LDHC: variants seen among roughly 807,000 people sequenced by gnomAD.
LDHC encodes the protein L-lactate dehydrogenase C chain.
A neutral mutation model predicts 30.2 loss-of-function variants in LDHC; 20 were observed. The observed-to-expected ratio is 0.66, with a 90% confidence interval of 0.47 to 0.96. The LOEUF (loss-of-function observed/expected upper bound fraction) is 0.96, where lower values mean the gene tolerates loss of function less well. Ranked by LOEUF, LDHC falls within the 40% of genes least tolerant of loss-of-function variation. LDHC has a pLI of 0.00. For synonymous variants in LDHC, 139 were observed against 132.7 expected, an observed-to-expected ratio of 1.05 and a Z score of -0.32; for missense variants, 362 against 394.9, an observed-to-expected ratio of 0.92 and a Z score of 0.71.
At chr11:18,432,659 T>C (rs1307767259) in intron 4 of LDHC, among the ~76,000 whole-genome samples, 1 of 152,204 alleles carries the variant, frequency 6.6e-6, no homozygotes, top group Non-Finnish European at 1.5e-5. Flanking sequence ...TAGGTGCATA[T>C]ATGTTTAGGA....
intron 3 of LDHC, among the ~76,000 whole-genome samples, chr11:18,426,020 T>C (rs1848156313): frequency 7.9e-6 from 1 of 126,438 alleles, no homozygotes; most frequent in African/African-American, 2.7e-5. Flanking sequence ...ACATCGTTGA[T>C]TAGCCACAAT....
intron 3 of LDHC, 109 bp from the exon 4 acceptor site, chr11:18,429,628 C>T (rs989211058): frequency 7.6e-6 from 4 of 527,694 alleles, no homozygotes; most frequent in Admixed American, 3.6e-5. Flanking sequence ...CATAAAGGTA[C>T]ATGGATACTT....
chr11:18,441,099 T>G (rs560485371), intron 6 of LDHC, among the ~76,000 whole-genome samples: 3 of 151,290 alleles, frequency 2.0e-5, no homozygotes, highest in Admixed American at 2.0e-4. Flanking sequence ...CATTCCAACC[T>G]GGGCAACAGA....
At chr11:18,441,455 C>T (rs1419806063) in intron 6 of LDHC, among the ~76,000 whole-genome samples, 3 of 151,818 alleles carry the variant, frequency 2.0e-5, no homozygotes, top group Non-Finnish European at 2.9e-5. Flanking sequence ...ACTACAAGCA[C>T]GCGCCACCAT....
chr11:18,414,923 T>A (rs540628689), intron 2 of LDHC, among the ~76,000 whole-genome samples: 9 of 148,850 alleles, frequency 6.0e-5, no homozygotes, highest in Admixed American at 2.0e-4. Context: ...GTTATCTGAA[T>A]GGCAAAAAAA....
At chr11:18,415,639 C>G (rs1362173886) in intron 3 of LDHC, among the ~76,000 whole-genome samples, 1 of 151,826 alleles carries the variant, frequency 6.6e-6, no homozygotes, top group Non-Finnish European at 1.5e-5. Flanking sequence ...GCCATGTTGG[C>G]CAGGCTGGTC....
chr11:18,437,741 G>A (rs1171975500), intron 5 of LDHC, among the ~76,000 whole-genome samples: 1 of 111,068 alleles, frequency 9.0e-6, no homozygotes, highest in Non-Finnish European at 1.8e-5. Flanking sequence ...GACAGAGCAA[G>A]ACTCCCTCTC....
intron 3 of LDHC, among the ~76,000 whole-genome samples, chr11:18,418,672 C>T (rs1326428221): frequency 6.6e-6 from 1 of 152,058 alleles, no homozygotes; most frequent in Non-Finnish European, 1.5e-5. Context: ...AGCGATCCAC[C>T]TGCCTCGGCC....
At chr11:18,436,206 T>C (rs1848350818) in intron 5 of LDHC, among the ~76,000 whole-genome samples, 1 of 152,190 alleles carries the variant, frequency 6.6e-6, no homozygotes, top group Admixed American at 6.5e-5. Context: ...TTTTCTCTGG[T>C]ATATTTTAAT....
At chr11:18,444,899 A>G (rs1848529803) in intron 6 of LDHC, among the ~76,000 whole-genome samples, 1 of 151,984 alleles carries the variant, frequency 6.6e-6, no homozygotes, top group Non-Finnish European at 1.5e-5. Flanking sequence ...TGTAGGAAAT[A>G]AGGAAATTCA....
intron 4 of LDHC, among the ~76,000 whole-genome samples, chr11:18,434,014 CT>C (rs1445717950): frequency 6.6e-6 from 1 of 152,088 alleles, no homozygotes; most frequent in African/African-American, 2.4e-5. Flanking sequence ...TATTCTTTTT[CT>C]TTGTCTTTGT....
In LDHC at chr11:18,415,305, A is replaced by C; in HGVS notation, c.244+4A>C. ...TCAAAGATTACTTCTGGAAAAGGTT[A>C]ATTTTAGTTTTATAAAGTTATTTTC... On this transcript the variant is annotated splice_donor_region_variant and intron_variant, in intron 3 of 7. Transcript: ENST00000541669. 1 of 1,419,156 alleles carries C rather than the reference A, an allele frequency of 7.0e-7. No individual in the cohort carries two copies. The highest frequency in any genetic ancestry group is 9.9e-7 in the Non-Finnish European group (1 of 1,013,068). 87.9% of individuals were successfully genotyped at this position (1,419,156 alleles called of 1,614,324 possible).
At chr11:18,425,358 A>G (rs1333064170) in intron 3 of LDHC, among the ~76,000 whole-genome samples, 1 of 152,002 alleles carries the variant, frequency 6.6e-6, no homozygotes, top group Non-Finnish European at 1.5e-5. Flanking sequence ...GGCAGAGTTA[A>G]TATTTTTAAT....
rs1470122586 is a variant in LDHC at position 18,451,641 on chromosome 11, G to T, written c.*514G>T. On this transcript the variant is annotated 3_prime_UTR_variant, in exon 8 of 8. Transcript: ENST00000541669. Reference sequence around the variant, plus strand: ...AATCATTATAAATGCTTATTTTTAAGACCATATATATCAAAAAGAAATAAA... The same window carrying T: ...AATCATTATAAATGCTTATTTTTAATACCATATATATCAAAAAGAAATAAA... The T allele has an allele frequency of 6.6e-6, 1 of 152,116 alleles. No homozygotes were observed. Among genetic ancestry groups the T allele is most frequent in the East Asian group, 1.9e-4 (1 of 5,200 alleles). 9.4% of individuals were successfully genotyped at this position (152,116 alleles called of 1,614,324 possible).
At chr11:18,438,748 A>G in intron 6 of LDHC, 103 bp downstream of exon 6, 1 of 625,282 alleles carries the variant, frequency 1.6e-6, no homozygotes, top group Non-Finnish European at 2.9e-6. Context: ...TGTGAGATAA[A>G]TAACTCTAGG....
At chr11:18,439,563 C>CAAAAAA (rs34511927) in intron 6 of LDHC, among the ~76,000 whole-genome samples, 5 of 59,332 alleles carry the variant, frequency 8.4e-5, no homozygotes, top group Non-Finnish European at 9.5e-5. Flanking sequence ...AACTCCATCT[C>CAAAAAA]AAAAAAAAAA....
intron 6 of LDHC, among the ~76,000 whole-genome samples, chr11:18,439,834 A>AAAC (rs1554964781): frequency 6.7e-6 from 1 of 148,772 alleles, no homozygotes; most frequent in Non-Finnish European, 1.5e-5. Context: ...AAAAAAAAAA[A>AAAC]AACAAAAATT....
intron 4 of LDHC, among the ~76,000 whole-genome samples, chr11:18,432,568 T>TC (rs151065113): frequency 0.15 from 22,730 of 152,216 alleles, 1,883 homozygotes; most frequent in African/African-American, 0.21. Flanking sequence ...AGTATTGAAG[T>TC]CCCCACTATT....
intron 3 of LDHC, among the ~76,000 whole-genome samples, chr11:18,429,088 T>G (rs926420403): frequency 1.3e-5 from 2 of 148,334 alleles, no homozygotes; most frequent in African/African-American, 2.5e-5. Context: ...ACATAAATTC[T>G]CAGAGTTCTA....
Sources: gnomAD v4.1 joint callset for allele counts (sites outside exome capture counted in the v4.1 genomes callset) on GRCh38, gnomAD v4.1.1 for gene constraint, MANE v1.5 for transcripts, NCBI Gene and HGNC (gene_info 2026-07-23, HGNC 2026-07-21) for gene names.